The following TTN variants were observed in gnomAD, a reference collection of about 807,000 sequenced individuals.
TTN encodes the protein titin.
Under a neutral mutation model 3,223.0 loss-of-function variants are expected in TTN, and 1,525 were observed. The ratio of observed to expected loss-of-function variants is 0.47; its 90% confidence interval spans 0.45 to 0.49. The LOEUF (loss-of-function observed/expected upper bound fraction) is 0.49, where lower values mean the gene tolerates loss of function less well. TTN is among the 20% of genes least tolerant of loss of function. The pLI is 0.00. For missense variants in TTN, 40,786 were observed against 43,424.0 expected, an observed-to-expected ratio of 0.94 and a Z score of 5.40; for synonymous variants, 14,094 against 15,161.0, an observed-to-expected ratio of 0.93 and a Z score of 5.17.
In TTN at chr2:178,756,616, G is replaced by A; in HGVS notation, c.10860C>T (p.Ser3620=). ...CTTGAACAGATGCAGCTGTGTGGAT[G>A]GAACTTTGAGATACACTTTCAAAAA... ...VQVFESVSQS[S]IHTAASVQDT... Residue 3620 remains serine (S), a synonymous_variant, in exon 46 of 363, where the codon TCC becomes TCT. Transcript: ENST00000589042. 1 of 1,613,554 alleles carries A rather than the reference G, an allele frequency of 6.2e-7. No individual in the cohort carries two copies. Among genetic ancestry groups the A allele is most frequent in the Non-Finnish European group, 8.5e-7 (1 of 1,179,678 alleles).
Position 178,557,464 on chromosome 2 carries a change from G to T in TTN, c.87798C>A (p.Gly29266=). 4 of 1,613,908 alleles carry T rather than the reference G, an allele frequency of 2.5e-6. No homozygotes were observed. Among genetic ancestry groups the T allele is most frequent in the Non-Finnish European group, 3.4e-6 (4 of 1,179,856 alleles). The part of the protein sequence containing the change: ...VGWHEPVSNG[G]SAVVGYHLEM... ...CCAGGTGATAGCCTACGACTGCACTGCCTCCATTTGACACTGGTTCATGCC... is the reference window on the plus strand; with the variant it reads ...CCAGGTGATAGCCTACGACTGCACTTCCTCCATTTGACACTGGTTCATGCC... Residue 29266 remains glycine, a synonymous_variant, in exon 329 of 363, where the codon GGC becomes GGA. Transcript: ENST00000589042.
rs763708860 is a variant in TTN, at chr2:178,731,900, C to T, written c.16975G>A (p.Glu5659Lys). 3.1e-6 allele frequency: 5 copies of T among 1,613,600 alleles called. No individual in the cohort carries two copies. The African/African-American group carries it at 4.0e-5, about 13-fold the overall frequency. Residue 5659 changes from glutamate to lysine, a missense_variant, in exon 58 of 363, where the codon GAG becomes AAG. Coordinates refer to ENST00000589042, the MANE Select transcript of TTN (RefSeq NM_001267550.2). ...LKEYDVMLLA[E>K]VAGTPPFEIT... ...TCAAAGGGAGGAGTGCCTGCCACCT[C>T]AGCCAGCAACATGACATCGTACTCC...
At position 178,766,571 on chromosome 2, in the gene TTN, A is replaced by G. The variant is rs373901032; in HGVS notation, c.9513T>C (p.Asn3171=). The G allele has an allele frequency of 5.6e-6, 9 of 1,613,978 alleles. No homozygotes were observed. The highest frequency in any genetic ancestry group is 2.2e-5 in the East Asian group (1 of 44,870). Residue 3171 remains asparagine, a synonymous_variant, in exon 41 of 363, where the codon AAT becomes AAC. Transcript: ENST00000589042. ...KQRAVVEFEV[N]EDDVDAHWYK... ...ACCAGTGGGCATCAACATCGTCTTC[A>G]TTGACCTCAAATTCAACAACAGCAC...
In TTN at chr2:178,739,293, T is replaced by C. The variant is rs781348816; in HGVS notation, c.13940A>G (p.Asp4647Gly). The C allele has an allele frequency of 1.2e-5, 19 of 1,613,100 alleles. No homozygotes were observed. Among genetic ancestry groups the C allele is most frequent in the Middle Eastern group, 3.3e-4 (2 of 6,076 alleles). Residue 4647 changes from aspartate (D) to glycine (G), a missense_variant, in exon 48 of 363, where the codon GAT becomes GGT. Coordinates refer to ENST00000589042, the MANE Select transcript of TTN (RefSeq NM_001267550.2). ...ATCTTGTAAACACTTGAACTTTTCATCTGAAGGCACCAGTTTATTCTCAAA... is the reference window on the plus strand; with the variant it reads ...ATCTTGTAAACACTTGAACTTTTCACCTGAAGGCACCAGTTTATTCTCAAA... ...WYFENKLVPS[D>G]EKFKCLQDQN...
In TTN at chr2:178,683,475, C is replaced by T. The variant is rs2627039; in HGVS notation, c.32807-184G>A. Among the ~76,000 whole-genome samples the T allele has an allele frequency of 3.7e-4, 57 of 152,044 alleles. No homozygotes were observed. The South Asian group carries it at 1.0e-2, about 27-fold the overall frequency. On this transcript the variant is annotated intron_variant, in intron 133 of 362. Transcript: ENST00000589042. ...CTTACTCTAATATACATATGAAGTA[C>T]GTCAAAGACATTGAATAATTTTAGG...
intron 88 of TTN, 149 bp from the exon 89 acceptor site, chr2:178,715,923 C>A (rs1248345076): frequency 4.2e-6 from 3 of 712,934 alleles, no homozygotes; most frequent in South Asian, 2.8e-5. Context: ...TAAATGAAAC[C>A]TAAATAGAAA....
rs2079240166 is a variant in TTN, at chr2:178,725,787, A to C, written c.20535T>G (p.Val6845=). ...ATTTACCTTTCAATTTTACAGTACA[A>C]ACACAAGTATCACTTCCCACTTCAT... is the stretch of plus-strand genomic sequence containing the variant. The part of the protein sequence containing the change: ...AQNEVGSDTC[V]CTVKLKEPPR... The change falls in exon 70 of 363, where the codon GTT becomes GTG. Residue 6845 remains valine (V), a synonymous_variant. Transcript: ENST00000589042. 6.2e-7 allele frequency: 1 copy of C among 1,603,430 alleles called. No individual in the cohort carries two copies. The highest frequency in any genetic ancestry group is 8.5e-7 in the Non-Finnish European group (1 of 1,173,618).
chr2:178,579,672 A>G lies in TTN; in HGVS notation c.67525T>C (p.Ser22509Pro). Residue 22509 changes from serine to proline, a missense_variant, in exon 319 of 363, where the codon TCT (serine) becomes CCT (proline). Physicochemically the swap from Ser to Pro is moderately conservative, Grantham distance 74. Coordinates refer to ENST00000589042, the MANE Select transcript of TTN (RefSeq NM_001267550.2). The stretch of plus-strand genomic sequence containing the variant: ...TTCCCTTCAGTCAAATCTTTTGCAG[A>G]GTACTGTAGGCTTAAGGATTTCATA... ...RVMKSLSLQY[S>P]AKDLTEGKEY... is the part of the protein sequence containing the mutation. 6.2e-7 allele frequency: 1 copy of G among 1,613,334 alleles called. No homozygotes were observed. Among genetic ancestry groups the G allele is most frequent in the East Asian group, 2.2e-5 (1 of 44,772 alleles).
chr2:178,609,906 A>G lies in TTN; in HGVS notation c.51517T>C (p.Tyr17173His). The G allele has an allele frequency of 6.2e-7, 1 of 1,613,050 alleles. No individual in the cohort carries two copies. The highest frequency in any genetic ancestry group is 8.5e-7 in the Non-Finnish European group (1 of 1,179,296). ...CCCATTATCTTGCTCCCTCCATCAT[A>G]CAAAGGTGGCTTCCATGTAATAGTC... ...AMTITWKPPL[Y>H]DGGSKIMGYI... Residue 17173 changes from tyrosine to histidine, a missense_variant, in exon 272 of 363, where the codon TAT becomes CAT. Physicochemically the swap from Tyr to His is moderately conservative, Grantham distance 83. Transcript: ENST00000589042.
intron 145 of TTN, 46 bp downstream of exon 145, chr2:178,678,079 C>T (rs1202985761): frequency 1.3e-6 from 2 of 1,582,060 alleles, no homozygotes. Context: ...TGTATAACAC[C>T]AGTTAGTTTT....
At position 178,664,867 on chromosome 2, in the gene TTN, GT is replaced by G; in HGVS notation, c.36102del (p.Glu12034AspfsTer124). The stretch of plus-strand genomic sequence containing the variant: ...TGACTTGTACCTTTAACTGATGGGG[GT>G]TCTCTTTTTTTGGAAGGAACTGTCT... ...PAKTVPSKKR[E>X]PPSVKVPEAL... is the part of the protein sequence containing the mutation. On this transcript the variant is annotated frameshift_variant, in exon 166 of 363. Transcript: ENST00000589042. LOFTEE classifies it high-confidence loss of function. The G allele has an allele frequency of 6.2e-7, 1 of 1,611,526 alleles. No homozygotes were observed. The highest frequency in any genetic ancestry group is 8.5e-7 in the Non-Finnish European group (1 of 1,179,512).
rs2154299769 is a variant in TTN at position 178,718,843 on chromosome 2, C to T, written c.24357G>A (p.Val8119=). The change falls in exon 84 of 363, where the codon GTG becomes GTA. Residue 8119 remains valine (V), a synonymous_variant. Transcript: ENST00000589042. The part of the protein sequence containing the change: ...VKWFKGSREL[V]PGESCNISLE... ...GAGAGATGTTGCATGACTCCCCAGG[C>T]ACCAGTTCCCTGCTGCCTTTAAACC... 6.2e-7 allele frequency: 1 copy of T among 1,613,692 alleles called. No homozygotes were observed. The highest frequency in any genetic ancestry group is 1.1e-5 in the South Asian group (1 of 91,076).
Position 178,526,698 on chromosome 2 carries a change from T to A in TTN, c.*314A>T. The A allele has an allele frequency of 4.6e-6, 1 of 217,436 alleles. No individual in the cohort carries two copies. The highest frequency in any genetic ancestry group is 9.2e-6 in the Non-Finnish European group (1 of 109,220). The allele number at this position is 217,436 out of a possible 1,614,324, so 13.5% of individuals were successfully genotyped here. A position where few individuals can be genotyped will look rare whatever the true frequency, so the allele number is the denominator to read the frequency against. ...ATTAAATGTTGAGCAGGGTATTCGT[T>A]CCATAAGAAACTTTCTCCTACCAAC... On this transcript the variant is annotated 3_prime_UTR_variant, in exon 363 of 363. Coordinates refer to ENST00000589042, the MANE Select transcript of TTN (RefSeq NM_001267550.2).
At chr2:178,749,577 G>T in intron 47 of TTN, 3 of 1,612,464 alleles carry the variant, frequency 1.9e-6, no homozygotes, top group Non-Finnish European at 2.5e-6. Flanking sequence ...TGGTCTTGCA[G>T]TTGCTGATCT....
At position 178,719,392 on chromosome 2, in the gene TTN, C is replaced by T; in HGVS notation, c.23998G>A (p.Ala8000Thr). The stretch of plus-strand genomic sequence containing the variant: ...ACTCGGCACTCCAAAACAACTGAGG[C>T]CCCCAGGATGGCATTCACGTCTTTC... ...KLKDVNAILG[A>T]SVVLECRVSG... The change falls in exon 83 of 363, where the codon GCC becomes ACC. Residue 8000 changes from alanine (A) to threonine (T), a missense_variant. Physicochemically the swap from Ala to Thr is moderately conservative, Grantham distance 58 (BLOSUM62 0). Coordinates refer to ENST00000589042, the MANE Select transcript of TTN (RefSeq NM_001267550.2). 7 of 1,613,586 alleles carry T rather than the reference C, an allele frequency of 4.3e-6. No homozygotes were observed. The highest frequency in any genetic ancestry group is 5.1e-6 in the Non-Finnish European group (6 of 1,179,682).
chr2:178,636,609 A>C lies in TTN; in HGVS notation c.41118T>G (p.Phe13706Leu), dbSNP rs748084644. 6.2e-7 allele frequency: 1 copy of C among 1,613,432 alleles called. No individual in the cohort carries two copies. The highest frequency in any genetic ancestry group is 1.7e-5 in the Admixed American group (1 of 59,992). Reference sequence around the variant, plus strand: ...CAGTGGAAGGGGAGACCAAACATTCAAAGATTGCTGAAGAGCCAACGAACT... The same window carrying C: ...CAGTGGAAGGGGAGACCAAACATTCCAAGATTGCTGAAGAGCCAACGAACT... ...ESEFVGSSAI[F>L]ECLVSPSTAI... The change falls in exon 225 of 363, where the codon TTT (phenylalanine) becomes TTG (leucine). Residue 13706 changes from phenylalanine (F) to leucine (L), a missense_variant. Phe to Leu is a conservative substitution (Grantham distance 22). Coordinates refer to ENST00000589042, the MANE Select transcript of TTN (RefSeq NM_001267550.2). This position sits in a 1 kb window ranked among gnomAD's most constrained non-coding sequence, Gnocchi z 4.3.
rs371784232 is a variant in TTN at position 178,736,021 on chromosome 2, C to T, written c.14425G>A (p.Gly4809Ser). ...SRPKSLTTFV[G>S]KAAKFICTVT... The stretch of plus-strand genomic sequence containing the variant: ...GTGCAGATGAACTTGGCTGCCTTAC[C>T]CACAAAAGTTGTAAGGGACTTAGGT... Residue 4809 changes from glycine (G) to serine (S), a missense_variant, in exon 50 of 363, where the codon GGT (glycine) becomes AGT (serine). Gly to Ser is a moderately conservative substitution (Grantham distance 56). Coordinates refer to ENST00000589042, the MANE Select transcript of TTN (RefSeq NM_001267550.2). 1.3e-5 allele frequency: 21 copies of T among 1,611,442 alleles called. No individual in the cohort carries two copies. Among genetic ancestry groups the T allele is most frequent in the Non-Finnish European group, 1.4e-5 (17 of 1,178,494 alleles).
rs752705285 is a variant in TTN, at chr2:178,712,036, T to C, written c.27794A>G (p.Asn9265Ser). The C allele has an allele frequency of 8.1e-6, 13 of 1,613,818 alleles. No homozygotes were observed. Among genetic ancestry groups the C allele is most frequent in the Non-Finnish European group, 9.3e-6 (11 of 1,179,746 alleles). Residue 9265 changes from asparagine (N) to serine (S), a missense_variant, in exon 96 of 363, where the codon AAC becomes AGC. Asn to Ser is a conservative substitution (Grantham distance 46, BLOSUM62 1). Transcript: ENST00000589042. ...TCCACTATCATTAATATCAACCTGG[T>C]TGAAAACCAGTGTAGCAACATTATT... ...FRNNVATLVF[N>S]QVDINDSGEY...
At position 178,621,326 on chromosome 2, in the gene TTN, AT is replaced by A. The variant is rs869312091; in HGVS notation, c.45391del (p.Ile15131TyrfsTer46). On this transcript the variant is annotated frameshift_variant, in exon 246 of 363. Transcript: ENST00000589042. LOFTEE classifies it high-confidence loss of function. Reference protein sequence around the residue: ...EFISKPQNLEILEGEKAEFVC... With the variant: ...EFISKPQNLEXLEGEKAEFVC... Reference sequence around the variant, plus strand: ...AAATTCAGCCTTTTCTCCTTCAAGTATTTCAAGGTTTTGAGGCTTTGAGATA... The same window carrying A: ...AAATTCAGCCTTTTCTCCTTCAAGTATTCAAGGTTTTGAGGCTTTGAGATA... The A allele has an allele frequency of 6.2e-7, 1 of 1,611,890 alleles. No individual in the cohort carries two copies.
Sources: gnomAD v4.1 joint callset for allele counts (sites outside exome capture counted in the v4.1 genomes callset) on GRCh38, gnomAD v4.1.1 for gene constraint, Gnocchi (gnomAD v3.1) non-coding constraint, MANE v1.5 for transcripts, NCBI Gene and HGNC (gene_info 2026-07-23, HGNC 2026-07-21) for gene names.